Variants in PIDD1 observed in about 807,000 individuals in gnomAD.
The protein encoded by PIDD1 is p53-induced death domain-containing protein 1.
In PIDD1, 72 loss-of-function variants were observed where a neutral mutation model predicts 80.0. The observed-to-expected ratio is 0.90, with a 90% confidence interval of 0.74 to 1.09. PIDD1 has a LOEUF of 1.09. Ranked by LOEUF, PIDD1 falls within the 50% of genes least tolerant of loss-of-function variation. PIDD1 has a pLI of 0.00. For missense variants in PIDD1, 1,329 were observed against 1,228.3 expected, an observed-to-expected ratio of 1.08 and a Z score of -1.23; for synonymous variants, 655 against 543.5, an observed-to-expected ratio of 1.21 and a Z score of -2.85.
At chr11:804,544 G>C in intron 1 of PIDD1, 81 bp from the exon 2 acceptor site, 1 of 1,378,070 alleles carries the variant, frequency 7.3e-7, no homozygotes, top group Non-Finnish European at 9.5e-7. Context: ...GATGGAGTGG[G>C]GAGCTCTAGA....
chr11:804,442 G>A lies in PIDD1; in HGVS notation c.-54C>T. 3 of 1,523,952 alleles carry A rather than the reference G, an allele frequency of 2.0e-6. No homozygotes were observed. The South Asian group carries it at 3.8e-5, about 19-fold the overall frequency. The allele number at this position is 1,523,952 out of a possible 1,614,324, so 94.4% of individuals were successfully genotyped here. A position where few individuals can be genotyped will look rare whatever the true frequency, so the allele number is the denominator to read the frequency against. The stretch of plus-strand genomic sequence containing the variant: ...CATGTCCCAGCACGCAGGCAGGCCT[G>A]TCCAGGCAGCGCCCGGGGAAGCTGC... On this transcript the variant is annotated 5_prime_UTR_variant, in exon 2 of 16. Coordinates refer to ENST00000347755, the MANE Select transcript of PIDD1 (RefSeq NM_145886.4).
Position 800,354 on chromosome 11 carries a change from C to T in PIDD1, c.2139G>A (p.Glu713=), listed in dbSNP as rs1865164564. ...CCACCTGGCCCCGCACAGCCTGAGC[C>T]TCCCGGTCCAGAGTGGTGGTCACGT... ...EVYVTTTLDR[E]AQAVRGQVSF... is the part of the protein sequence containing the mutation. Residue 713 remains glutamate, a synonymous_variant, in exon 13 of 16, where the codon GAG becomes GAA. Transcript: ENST00000347755. 6.2e-7 allele frequency: 1 copy of T among 1,612,418 alleles called. No homozygotes were observed. The highest frequency in any genetic ancestry group is 8.5e-7 in the Non-Finnish European group (1 of 1,179,818).
At chr11:805,435 A>T (rs28689676), upstream of PIDD1, among the ~76,000 whole-genome samples, 102,771 of 152,124 alleles carry the variant, frequency 0.68, 34,989 homozygotes, top group African/African-American at 0.71. Context: ...CCCGCGCAGC[A>T]GCGCTCGGCT....
In PIDD1 at chr11:802,045, AGCGCCGGGCCT is replaced by A; in HGVS notation, c.1211_1221del (p.Gln404LeufsTer3). On this transcript the variant is annotated frameshift_variant, in exon 7 of 16. Transcript: ENST00000347755. LOFTEE classifies it high-confidence loss of function. ...CGGGTCCTGACCACCACTTCACGGC[AGCGCCGGGCCT>A]GCGGTGGGGTGAAGAGCAGCCACAG... is the stretch of plus-strand genomic sequence containing the variant. 6.3e-7 allele frequency: 1 copy of A among 1,592,268 alleles called. No individual in the cohort carries two copies.
chr11:802,105 T>A lies in PIDD1; in HGVS notation c.1177-15A>T, dbSNP rs1414908600. 1.3e-6 allele frequency: 2 copies of A among 1,574,226 alleles called. No individual in the cohort carries two copies. Among genetic ancestry groups the A allele is most frequent in the East Asian group, 4.6e-5 (2 of 43,070 alleles). On this transcript the variant is annotated splice_polypyrimidine_tract_variant and intron_variant, in intron 6 of 15. Coordinates refer to ENST00000347755, the MANE Select transcript of PIDD1 (RefSeq NM_145886.4). ...AGCCCCACATCCTGCCAGACAAGGATGGTGTGAGCACTGGAGCCATGCCCG... is the reference window on the plus strand; with the variant it reads ...AGCCCCACATCCTGCCAGACAAGGAAGGTGTGAGCACTGGAGCCATGCCCG...
chr11:799,827 C>T lies in PIDD1; in HGVS notation c.2462G>A (p.Arg821Gln), dbSNP rs570076242. Residue 821 changes from arginine (R) to glutamine (Q), a missense_variant, in exon 15 of 16, where the codon CGG (arginine) becomes CAG (glutamine). Coordinates refer to ENST00000347755, the MANE Select transcript of PIDD1 (RefSeq NM_145886.4). ...GTGGGAGCCTCACCGGAACTCGTGCCGGATGCGCTGCACCTCCCGGTAGGA... is the reference window on the plus strand; with the variant it reads ...GTGGGAGCCTCACCGGAACTCGTGCTGGATGCGCTGCACCTCCCGGTAGGA... The part of the protein sequence containing the change: ...GVSYREVQRI[R>Q]HEFRDDLDEQ... 2.3e-5 allele frequency: 36 copies of T among 1,588,394 alleles called. No individual in the cohort carries two copies. The highest frequency in any genetic ancestry group is 2.3e-4 in the East Asian group (10 of 44,200).
At chr11:802,986 T>C (rs2133797141) in intron 3 of PIDD1, 95 bp from the exon 4 acceptor site, 1 of 1,153,710 alleles carries the variant, frequency 8.7e-7, no homozygotes, top group Non-Finnish European at 1.2e-6. Context: ...TTTCAGACTC[T>C]CCTCCACAGC....
intron 3 of PIDD1, 96 bp from the exon 4 acceptor site, chr11:802,987 C>T (rs971430366): frequency 2.7e-5 from 31 of 1,150,738 alleles, no homozygotes; most frequent in Non-Finnish European, 3.9e-5. Context: ...TTCAGACTCT[C>T]CTCCACAGCT....
Position 801,199 on chromosome 11 carries a change from C to T in PIDD1, c.1630+19G>A. ...CCCTATGGCCACAGGTCCAGGTATG[C>T]CCCATGGCTGCCTCTCACCTGTGAT... On this transcript the variant is annotated intron_variant, in intron 9 of 15. Coordinates refer to ENST00000347755, the MANE Select transcript of PIDD1 (RefSeq NM_145886.4). 6.5e-7 allele frequency: 1 copy of T among 1,546,558 alleles called. No individual in the cohort carries two copies. The highest frequency in any genetic ancestry group is 8.7e-7 in the Non-Finnish European group (1 of 1,143,860).
At chr11:804,686 G>A (rs1029084442) in intron 1 of PIDD1, 3 of 407,106 alleles carry the variant, frequency 7.4e-6, no homozygotes, top group African/African-American at 2.0e-5. Flanking sequence ...CACCGGGCAG[G>A]GAGACCTCGC....
Position 804,275 on chromosome 11 carries a change from C to T in PIDD1, c.114G>A (p.Leu38=), listed in dbSNP as rs372660094. The T allele has an allele frequency of 1.6e-5, 26 of 1,612,880 alleles. No individual in the cohort carries two copies. The highest frequency in any genetic ancestry group is 2.2e-5 in the Non-Finnish European group (26 of 1,179,992). ...RALPFLGGNR[L]SLDLYPGGCQ... ...AGCCCCCGGGGTACAGGTCCAAGCTCAGCCGGTTGCCGCCCAGGAAAGGCA... is the reference window on the plus strand; with the variant it reads ...AGCCCCCGGGGTACAGGTCCAAGCTTAGCCGGTTGCCGCCCAGGAAAGGCA... The change falls in exon 2 of 16, where the codon CTG becomes CTA. Residue 38 remains leucine, a synonymous_variant. Coordinates refer to ENST00000347755, the MANE Select transcript of PIDD1 (RefSeq NM_145886.4).
Position 804,685 on chromosome 11 carries a change from G to A in PIDD1, c.-75-222C>T, listed in dbSNP as rs1368745616. On this transcript the variant is annotated intron_variant, in intron 1 of 15. Coordinates refer to ENST00000347755, the MANE Select transcript of PIDD1 (RefSeq NM_145886.4). ...CCATGGCTCGCAGGAGCACCGGGCA[G>A]GGAGACCTCGCTATGAGCAGCAAAG... 5 of 408,198 alleles carry A rather than the reference G, an allele frequency of 1.2e-5. No homozygotes were observed. In the South Asian group the frequency reaches 1.3e-4, roughly 11 times the overall value. The allele number at this position is 408,198 out of a possible 1,614,324, so 25.3% of individuals were successfully genotyped here.
Position 799,937 on chromosome 11 carries a change from G to C in PIDD1, c.2352C>G (p.Thr784=). The C allele has an allele frequency of 1.2e-6, 2 of 1,612,794 alleles. No individual in the cohort carries two copies. The highest frequency in any genetic ancestry group is 1.7e-6 in the Non-Finnish European group (2 of 1,179,932). ...LAPLNLGDAE[T]GFLTQSNLLS... is the part of the protein sequence containing the mutation. ...GCAGGTTGCTCTGCGTCAGAAAGCC[G>C]GTCTCGGCATCTCCCAGATTCAAGG... Residue 784 remains threonine (T), a synonymous_variant, in exon 15 of 16, where the codon ACC becomes ACG. Transcript: ENST00000347755.
At position 801,970 on chromosome 11, in the gene PIDD1, G is replaced by T; in HGVS notation, c.1297C>A (p.Pro433Thr). The change falls in exon 7 of 16, where the codon CCC becomes ACC. Residue 433 changes from proline to threonine, a missense_variant. Coordinates refer to ENST00000347755, the MANE Select transcript of PIDD1 (RefSeq NM_145886.4). The part of the protein sequence containing the change: ...DLETYLEEEA[P>T]QRLWAHCQVP... ...CAGGCCTGGGTGGCCCTCACCTGGG[G>T]TGCCTCTTCCTCCAGGTAGGTCTCC... 6.2e-7 allele frequency: 1 copy of T among 1,600,642 alleles called. No homozygotes were observed. Among genetic ancestry groups the T allele is most frequent in the Non-Finnish European group, 8.5e-7 (1 of 1,174,290 alleles).
intron 6 of PIDD1, 49 bp from the exon 7 acceptor site, chr11:802,139 C>T: frequency 1.9e-6 from 3 of 1,560,888 alleles, no homozygotes; most frequent in Non-Finnish European, 2.6e-6. Context: ...CGGGCCCGCA[C>T]ACTGCCCCTG....
rs1454837631 is a variant in PIDD1, at chr11:801,086, C to A, written c.1665G>T (p.Leu555Phe). The A allele has an allele frequency of 1.3e-6, 2 of 1,592,772 alleles. No individual in the cohort carries two copies. The highest frequency in any genetic ancestry group is 1.7e-6 in the Non-Finnish European group (2 of 1,168,638). ...AGGTGGCTGCAGGAGGGGCCCAGTA[C>A]AACAGGTGCAGGCGGGAGCGGTCCA... ...LSLDRSRLHL[L>F]YWAPPAATWD... The change falls in exon 10 of 16, where the codon TTG (leucine) becomes TTT (phenylalanine). Residue 555 changes from leucine (L) to phenylalanine (F), a missense_variant. Physicochemically the swap from Leu to Phe is conservative, Grantham distance 22. Coordinates refer to ENST00000347755, the MANE Select transcript of PIDD1 (RefSeq NM_145886.4).
At chr11:800,485 T>A (rs7121646) in intron 12 of PIDD1, 34 bp from the exon 13 acceptor site, 807,826 of 1,545,186 alleles carry the variant, frequency 0.52, 211,629 homozygotes, top group Admixed American at 0.64. Context: ...CAAGGAGGGC[T>A]CGGGGAGGAC....
At position 801,559 on chromosome 11, in the gene PIDD1, G is replaced by A. The variant is rs1865326169; in HGVS notation, c.1368C>T (p.Ser456=). Residue 456 remains serine (S), a synonymous_variant, in exon 8 of 16, where the codon TCC becomes TCT. Coordinates refer to ENST00000347755, the MANE Select transcript of PIDD1 (RefSeq NM_145886.4). ...SWFLVVSRPV[S]NACLVPPEGT... ...CCTCCGGTGGCACCAGGCAGGCATTGGACACAGGGCGGGAAACCACAAGGA... is the reference window on the plus strand; with the variant it reads ...CCTCCGGTGGCACCAGGCAGGCATTAGACACAGGGCGGGAAACCACAAGGA... 4 of 1,569,226 alleles carry A rather than the reference G, an allele frequency of 2.5e-6. No individual in the cohort carries two copies. Among genetic ancestry groups the A allele is most frequent in the Non-Finnish European group, 3.5e-6 (4 of 1,157,230 alleles).
upstream of PIDD1, among the ~76,000 whole-genome samples, chr11:807,113 A>ACG (rs1282156951): frequency 6.6e-6 from 1 of 150,528 alleles, no homozygotes; most frequent in East Asian, 2.0e-4. Context: ...AATGGCTTGA[A>ACG]CGCGGGAGGC....
Sources: allele counts gnomAD v4.1 joint callset (sites outside exome capture counted in the v4.1 genomes callset), GRCh38; gene constraint gnomAD v4.1.1; transcripts MANE v1.5; gene names NCBI Gene and HGNC (gene_info 2026-07-23, HGNC 2026-07-21).